STARD13: variants seen among roughly 807,000 people sequenced by gnomAD.
STARD13 encodes StAR related lipid transfer domain containing 13, also known as stAR-related lipid transfer protein 13.
In STARD13, 62 loss-of-function variants were observed where a neutral mutation model predicts 106.4. The observed-to-expected ratio is 0.58, with a 90% CI of 0.48 to 0.72. The LOEUF (loss-of-function observed/expected upper bound fraction) is 0.72, where lower values mean the gene tolerates loss of function less well. STARD13 is among the 30% of genes least tolerant of loss of function. STARD13 has a pLI of 0.00. For missense variants in STARD13, 1,387 were observed against 1,424.0 expected (o/e 0.97, Z 0.42); for synonymous variants, 565 against 553.0 (o/e 1.02, Z -0.31).
At chr13:33,181,527 A>C (rs1442593206) in intron 1 of STARD13, among the ~76,000 whole-genome samples, 1 of 152,230 alleles carries the variant, frequency 6.6e-6, no homozygotes, top group African/African-American at 2.4e-5. Flanking sequence ...AAATATTTAT[A>C]GATCTGAAGG....
chr13:33,326,576 A>T (rs931970084), intron 1 of STARD13, among the ~76,000 whole-genome samples: 13 of 152,324 alleles, frequency 8.5e-5, no homozygotes, highest in Admixed American at 6.5e-4. Flanking sequence ...GGGTTCACAC[A>T]TCAACAGCCT....
intron 1 of STARD13, among the ~76,000 whole-genome samples, chr13:33,233,966 C>T (rs1301547989): frequency 1.3e-5 from 2 of 152,180 alleles, no homozygotes; most frequent in East Asian, 3.9e-4. Context: ...GGTGCCCCTT[C>T]TATGAGTCTG....
intron 7 of STARD13, among the ~76,000 whole-genome samples, chr13:33,122,853 G>A (rs1876551392): frequency 1.3e-5 from 2 of 151,930 alleles, no homozygotes; most frequent in Non-Finnish European, 2.9e-5. Context: ...TCAGGAGTTC[G>A]AGACCAGCCT....
At chr13:33,382,663 A>G in the STARD13 span, among the ~76,000 whole-genome samples, 7 of 152,196 alleles carry the variant, frequency 4.6e-5, no homozygotes, top group African/African-American at 1.7e-4. Flanking sequence ...GACTCTACAT[A>G]TATTGGCTAT....
chr13:33,662,450 A>T, the STARD13 span, among the ~76,000 whole-genome samples: 2 of 152,274 alleles, frequency 1.3e-5, no homozygotes, highest in African/African-American at 4.8e-5. Context: ...ACCGGAATGG[A>T]TATGTTACCA....
chr13:33,641,096 G>A, the STARD13 span, among the ~76,000 whole-genome samples: 1 of 152,182 alleles, frequency 6.6e-6, no homozygotes, highest in Admixed American at 6.5e-5. Context: ...ACTGAGTGGG[G>A]AAACCCAGCA....
chr13:33,336,079 G>C (rs1029873055), intron 1 of STARD13: 1 of 152,230 alleles, frequency 6.6e-6, no homozygotes. Context: ...CAATGAATAA[G>C]ACATTACCCT....
the STARD13 span, among the ~76,000 whole-genome samples, chr13:33,430,961 A>G: frequency 2.0e-5 from 3 of 152,222 alleles, no homozygotes; most frequent in African/African-American, 2.4e-5. Context: ...GGGTACAAAT[A>G]TAGAGTCAGA....
the STARD13 span, among the ~76,000 whole-genome samples, chr13:33,616,447 T>C: frequency 3.3e-5 from 5 of 152,338 alleles, no homozygotes; most frequent in Admixed American, 6.5e-5. Context: ...ATATTTTCCA[T>C]TCTCTGAATG....
the STARD13 span, among the ~76,000 whole-genome samples, chr13:33,360,728 A>AGAAGGAATCCT: frequency 3.0e-3 from 29 of 9,830 alleles, no homozygotes; most frequent in South Asian, 4.6e-3. Flanking sequence ...ACAGAAGGAC[A>AGAAGGAATCCT]TATTGTTGAT....
chr13:33,216,833 T>G (rs1888073356), intron 1 of STARD13, among the ~76,000 whole-genome samples: 2 of 152,154 alleles, frequency 1.3e-5, no homozygotes, highest in Non-Finnish European at 2.9e-5. Context: ...GAAGAATGTG[T>G]GTTTGGAGTC....
At chr13:33,349,276 C>T (rs2078047332) in intron 1 of STARD13, 1 of 700,782 alleles carries the variant, frequency 1.4e-6, no homozygotes, top group Non-Finnish European at 2.6e-6. Context: ...CCTCAGGGGC[C>T]CTTCCAATCA....
At chr13:33,525,439 T>C in the STARD13 span, among the ~76,000 whole-genome samples, 2 of 152,120 alleles carry the variant, frequency 1.3e-5, no homozygotes, top group Non-Finnish European at 2.9e-5. Flanking sequence ...GTGGTAATAG[T>C]GGAGAACAAT....
At position 33,111,824 on chromosome 13, in the gene STARD13, G is replaced by A. The variant is rs777457269; in HGVS notation, c.2561C>T (p.Ala854Val). The change falls in exon 10 of 14, where the codon GCT (alanine) becomes GTT (valine). Residue 854 changes from alanine (A) to valine (V), a missense_variant. Physicochemically the swap from Ala to Val is moderately conservative, Grantham distance 64. Coordinates refer to ENST00000336934, the MANE Select transcript of STARD13 (RefSeq NM_178006.4). ...CATGATCATGTGCGCTAGCCCCTGA[G>A]CTGCTGCCAGATTCTCGTTGAGGTC... is the stretch of plus-strand genomic sequence containing the variant. The part of the protein sequence containing the change: ...QKDLNENLAA[A>V]QGLAHMIMEC... The A allele has an allele frequency of 6.2e-7, 1 of 1,614,190 alleles. No individual in the cohort carries two copies. Among genetic ancestry groups the A allele is most frequent in the South Asian group, 1.1e-5 (1 of 91,082 alleles).
chr13:33,160,697 T>A (rs978545773), intron 3 of STARD13, among the ~76,000 whole-genome samples: 3 of 152,248 alleles, frequency 2.0e-5, no homozygotes, highest in African/African-American at 7.2e-5. Flanking sequence ...TATTAGTCAT[T>A]AAGAAAGTGC....
intron 1 of STARD13, among the ~76,000 whole-genome samples, chr13:33,337,489 G>A (rs2077909995): frequency 6.6e-6 from 1 of 152,130 alleles, no homozygotes; most frequent in African/African-American, 2.4e-5. Context: ...TATGTCATAA[G>A]GAAATACACT....
At chr13:33,207,098 T>A (rs2138121824) in intron 1 of STARD13, among the ~76,000 whole-genome samples, 1 of 152,350 alleles carries the variant, frequency 6.6e-6, no homozygotes, top group South Asian at 2.1e-4. Context: ...TGGCAGAGGA[T>A]GATACCAAAC....
At chr13:33,136,152 T>C (rs904618370) in intron 4 of STARD13, among the ~76,000 whole-genome samples, 2 of 134,974 alleles carry the variant, frequency 1.5e-5, no homozygotes, top group African/African-American at 4.9e-5. Context: ...TCTTATACAT[T>C]TGCAGTCAAA....
chr13:33,654,938 C>A, the STARD13 span: 1 of 152,218 alleles, frequency 6.6e-6, no homozygotes, highest in South Asian at 2.1e-4. Context: ...ATTGACAAGC[C>A]GCACCTCATG....
Sources: allele counts gnomAD v4.1 joint callset (sites outside exome capture counted in the v4.1 genomes callset), GRCh38; gene constraint gnomAD v4.1.1; transcripts MANE v1.5; gene names NCBI Gene and HGNC (gene_info 2026-07-23, HGNC 2026-07-21).